The following CNBD1 variants were observed in gnomAD, a reference collection of about 807,000 sequenced individuals.
CNBD1 encodes cyclic nucleotide binding domain containing 1, also known as cyclic nucleotide-binding domain-containing protein 1.
A neutral mutation model predicts 54.4 loss-of-function variants in CNBD1; 71 were observed. That is an observed-to-expected ratio of 1.30 (90% CI 1.08 to 1.59). The LOEUF (loss-of-function observed/expected upper bound fraction) is 1.59. CNBD1 is among the 40% of genes most tolerant of loss of function. The pLI, the probability that CNBD1 is intolerant of heterozygous loss-of-function variation, is 0.00. For missense variants in CNBD1, 659 were observed against 518.0 expected (o/e 1.27, Z -2.64); for synonymous variants, 182 against 170.7 (o/e 1.07, Z -0.51).
chr8:87,420,774 C>A (rs1391690273), intron 2 of CNBD1, among the ~76,000 whole-genome samples: 2 of 141,866 alleles, frequency 1.4e-5, no homozygotes, highest in Non-Finnish European at 3.1e-5. Context: ...TGATTTTCTT[C>A]TTTTTTTTTT....
At chr8:87,087,783 G>A (rs929653859) in intron 4 of CNBD1, among the ~76,000 whole-genome samples, 3 of 152,092 alleles carry the variant, frequency 2.0e-5, no homozygotes, top group African/African-American at 7.2e-5. Context: ...ACATTCTTGA[G>A]AATCTCAGGA....
chr8:87,314,323 G>T (rs1809335440), intron 8 of CNBD1, among the ~76,000 whole-genome samples: 1 of 151,560 alleles, frequency 6.6e-6, no homozygotes, highest in South Asian at 2.1e-4. Context: ...TAAAAAAAAA[G>T]ATATTACCAT....
chr8:86,913,373 G>A (rs934927750), intron 3 of CNBD1, among the ~76,000 whole-genome samples: 10 of 149,748 alleles, frequency 6.7e-5, no homozygotes, highest in African/African-American at 1.5e-4. Flanking sequence ...GCTTAGATAC[G>A]TAAATACTTA....
chr8:87,353,486 G>A (rs1011761791), intron 9 of CNBD1, 150 bp from the exon 10 acceptor site: 14 of 551,668 alleles, frequency 2.5e-5, no homozygotes, highest in Non-Finnish European at 3.8e-5. Context: ...GCTTATGTAA[G>A]TAAATTTTTC....
At chr8:87,350,034 C>G (rs150936679) in intron 8 of CNBD1, among the ~76,000 whole-genome samples, 194 of 152,272 alleles carry the variant, frequency 1.3e-3, no homozygotes, top group African/African-American at 4.5e-3. Context: ...TGTTTAAGTG[C>G]ATTATTTCCT....
chr8:87,326,338 T>A lies in CNBD1; in HGVS notation c.1043-25347T>A, dbSNP rs1254617583. On this transcript the variant is annotated intron_variant, in intron 8 of 10. Transcript: ENST00000518476. ...TGGCGTTCTCTGTATTTCCTGAATC[T>A]GAACGTTGGCCTGCCTTGCTAGATT... Among the ~76,000 whole-genome samples, 4 of 125,252 alleles carry A rather than the reference T, an allele frequency of 3.2e-5. 1 individual carries two copies. Among genetic ancestry groups the A allele is most frequent in the African/African-American group, 8.8e-5 (3 of 34,164 alleles). 82.2% of individuals were successfully genotyped at this position (125,252 alleles called of 152,430 possible).
At chr8:87,150,873 T>TA (rs1208541207) in intron 4 of CNBD1, among the ~76,000 whole-genome samples, 1 of 152,178 alleles carries the variant, frequency 6.6e-6, no homozygotes, top group Non-Finnish European at 1.5e-5. Flanking sequence ...TTCTGGGTTG[T>TA]AAAATAACAA....
chr8:86,979,437 C>CA (rs1808421555), intron 4 of CNBD1, among the ~76,000 whole-genome samples: 2 of 72,236 alleles, frequency 2.8e-5, no homozygotes, highest in African/African-American at 1.0e-4. Context: ...AAGGCAAAAA[C>CA]AATTTAGCCT....
chr8:87,299,997 G>C (rs1465031027), intron 8 of CNBD1, among the ~76,000 whole-genome samples: 1 of 152,046 alleles, frequency 6.6e-6, no homozygotes, highest in Non-Finnish European at 1.5e-5. Flanking sequence ...AGAAAAAAAT[G>C]AAAAATATAA....
At chr8:87,368,706 G>A (rs1234280839) in intron 10 of CNBD1, among the ~76,000 whole-genome samples, 1 of 151,970 alleles carries the variant, frequency 6.6e-6, no homozygotes, top group African/African-American at 2.4e-5. Context: ...GCTTCTATTA[G>A]CCAAAAGAGG....
intron 4 of CNBD1, among the ~76,000 whole-genome samples, chr8:87,204,917 A>G (rs779275671): frequency 1.8e-4 from 27 of 152,282 alleles, no homozygotes; most frequent in Non-Finnish European, 3.2e-4. Context: ...AAGTTTTCTC[A>G]AAACTATTTC....
Position 87,227,170 on chromosome 8 carries a change from G to T in CNBD1, c.578-9749G>T, listed in dbSNP as rs1485104332. On this transcript the variant is annotated intron_variant, in intron 5 of 10. Transcript: ENST00000518476. ...AGATGGGTTTCCTGAATACAGCACA[G>T]TGATGGGTCTTGACTCTTTATCCAA... Among the ~76,000 whole-genome samples, 4 of 151,910 alleles carry T rather than the reference G, an allele frequency of 2.6e-5. No homozygotes were observed. In the East Asian group the frequency reaches 5.8e-4, roughly 22 times the overall value.
chr8:86,916,391 C>G (rs1014958366), intron 3 of CNBD1, among the ~76,000 whole-genome samples: 2 of 152,122 alleles, frequency 1.3e-5, no homozygotes, highest in Non-Finnish European at 2.9e-5. Context: ...TTCCTTCTCC[C>G]CTGGTTCTTC....
intron 8 of CNBD1, among the ~76,000 whole-genome samples, chr8:87,336,115 G>C (rs1437789799): frequency 2.0e-5 from 3 of 152,008 alleles, no homozygotes; most frequent in Admixed American, 6.6e-5. Flanking sequence ...CTTTCTCTCT[G>C]GCTGCCCTTA....
At chr8:87,153,875 ATAAG>A (rs1812658503) in intron 4 of CNBD1, among the ~76,000 whole-genome samples, 1 of 152,174 alleles carries the variant, frequency 6.6e-6, no homozygotes, top group Middle Eastern at 3.2e-3. Context: ...TGCATGAAAA[ATAAG>A]TAAGGTGGTT....
At chr8:87,266,162 A>G (rs548557445) in intron 6 of CNBD1, among the ~76,000 whole-genome samples, 2 of 152,044 alleles carry the variant, frequency 1.3e-5, no homozygotes, top group South Asian at 2.1e-4. Context: ...CTAATGATTT[A>G]TACATTTCAT....
intron 6 of CNBD1, among the ~76,000 whole-genome samples, chr8:87,276,268 C>T: frequency 6.6e-6 from 1 of 151,858 alleles, no homozygotes; most frequent in East Asian, 1.9e-4. Flanking sequence ...TATTAAGATG[C>T]TGTCATCTTG....
chr8:87,229,722 C>T (rs1463043119), intron 5 of CNBD1, among the ~76,000 whole-genome samples: 1 of 151,490 alleles, frequency 6.6e-6, no homozygotes, highest in Non-Finnish European at 1.5e-5. Context: ...TTTTATTCTC[C>T]CCTAGTACAT....
chr8:87,054,945 G>A (rs2130629160), intron 4 of CNBD1, among the ~76,000 whole-genome samples: 1 of 152,304 alleles, frequency 6.6e-6, no homozygotes, highest in Middle Eastern at 3.4e-3. Flanking sequence ...TGACTGATGG[G>A]CCAGTGTGTT....
Sources: gnomAD v4.1 joint callset for allele counts (sites outside exome capture counted in the v4.1 genomes callset) on GRCh38, gnomAD v4.1.1 for gene constraint, MANE v1.5 for transcripts, NCBI Gene and HGNC (gene_info 2026-07-23, HGNC 2026-07-21) for gene names.